Variants in SLC12A1 observed in about 807,000 individuals in gnomAD.
The protein encoded by SLC12A1 is solute carrier family 12 member 1, also known as Na-K-2Cl cotransporter.
A neutral mutation model predicts 130.4 loss-of-function variants in SLC12A1; 89 were observed. The observed-to-expected ratio is 0.68, with a 90% CI of 0.58 to 0.81. The LOEUF (loss-of-function observed/expected upper bound fraction) is 0.81. Ranked by LOEUF, SLC12A1 falls within the 40% of genes least tolerant of loss-of-function variation. The pLI is 0.00. For missense variants in SLC12A1, 1,310 were observed against 1,336.4 expected (o/e 0.98, Z 0.31); for synonymous variants, 499 against 460.0 (o/e 1.08, Z -1.09).
chr15:48,249,047 A>G (rs2041616781), intron 13 of SLC12A1, among the ~76,000 whole-genome samples: 1 of 152,128 alleles, frequency 6.6e-6, no homozygotes. Flanking sequence ...TCTCAAAATA[A>G]TAATAATAAT....
At chr15:48,207,002 ATTT>A (rs1164904229) in intron 1 of SLC12A1, among the ~76,000 whole-genome samples, 1 of 152,142 alleles carries the variant, frequency 6.6e-6, no homozygotes, top group African/African-American at 2.4e-5. Flanking sequence ...CTAAAACATA[ATTT>A]TTTACTTGTT....
chr15:48,232,788 TCATTC>T lies in SLC12A1; in HGVS notation c.1041_1045del (p.Pro348GlnfsTer3). On this transcript the variant is annotated frameshift_variant, in exon 8 of 27. Transcript: ENST00000380993. LOFTEE classifies it high-confidence loss of function. ...ATTGCAAACTTCTTCATTGGAACTG[TCATTC>T]CATCCAACAATGAGAAAAAGTCCAG... 4.3e-6 allele frequency: 7 copies of T among 1,613,334 alleles called. No individual in the cohort carries two copies. The highest frequency in any genetic ancestry group is 5.9e-6 in the Non-Finnish European group (7 of 1,179,278).
chr15:48,270,302 G>C (rs1057383700), intron 19 of SLC12A1, among the ~76,000 whole-genome samples: 2 of 152,160 alleles, frequency 1.3e-5, no homozygotes, highest in Admixed American at 1.3e-4. Flanking sequence ...TATTTGAGGA[G>C]ACTTAGGATG....
chr15:48,237,483 G>A (rs1317120036), intron 9 of SLC12A1: 2 of 152,284 alleles, frequency 1.3e-5, no homozygotes, highest in Non-Finnish European at 2.9e-5. Context: ...TTATGTTAGT[G>A]AAGAAGTTTT....
chr15:48,218,709 G>C (rs2041158981), intron 2 of SLC12A1, among the ~76,000 whole-genome samples: 2 of 152,152 alleles, frequency 1.3e-5, no homozygotes, highest in Non-Finnish European at 2.9e-5. Context: ...ATAAGATATA[G>C]TCATTCTATA....
intron 9 of SLC12A1, 42 bp downstream of exon 9, chr15:48,235,046 A>AC: frequency 6.2e-7 from 1 of 1,606,642 alleles, no homozygotes; most frequent in Non-Finnish European, 8.5e-7. Flanking sequence ...GAGTGGTGGT[A>AC]CACTTGGTGG....
At chr15:48,278,075 A>T (rs2041972751) in intron 20 of SLC12A1, among the ~76,000 whole-genome samples, 1 of 152,234 alleles carries the variant, frequency 6.6e-6, no homozygotes, top group African/African-American at 2.4e-5. Context: ...ACTCCCACTC[A>T]GTGAGTATTC....
intron 17 of SLC12A1, among the ~76,000 whole-genome samples, chr15:48,261,142 G>T (rs1032070699): frequency 1.3e-5 from 2 of 152,162 alleles, no homozygotes; most frequent in African/African-American, 4.8e-5. Flanking sequence ...CAGTTTTGAT[G>T]AAATAAGCAG....
intron 20 of SLC12A1, among the ~76,000 whole-genome samples, chr15:48,283,424 T>G (rs138072762): frequency 2.8e-4 from 43 of 152,358 alleles, no homozygotes; most frequent in African/African-American, 1.0e-3. Flanking sequence ...GGTAAGCAAC[T>G]TCTGTCTCAG....
At chr15:48,208,427 C>T (rs1056631169) in intron 2 of SLC12A1, among the ~76,000 whole-genome samples, 6 of 152,106 alleles carry the variant, frequency 3.9e-5, no homozygotes, top group African/African-American at 1.4e-4. Context: ...ATCCTCCCAC[C>T]TCAACCTCCT....
chr15:48,267,722 T>A lies in SLC12A1; in HGVS notation c.2295+21T>A, dbSNP rs376028158. ...TTCAGGTAAGGCTGCATTGAGGGAA[T>A]GAGCACAGAGGCAAAAGACAATTAG... On this transcript the variant is annotated intron_variant, in intron 18 of 26. Coordinates refer to ENST00000380993, the MANE Select transcript of SLC12A1 (RefSeq NM_000338.3). 2.0e-4 allele frequency: 316 copies of A among 1,612,320 alleles called. 1 individual carries two copies. The African/African-American group carries it at 4.0e-3, about 20-fold the overall frequency.
intron 4 of SLC12A1, chr15:48,226,255 C>T (rs755635917): frequency 4.2e-6 from 2 of 471,450 alleles, no homozygotes; most frequent in South Asian, 3.9e-5. Context: ...TCTGCACTTT[C>T]GATTGTGTTT....
At chr15:48,208,361 G>A (rs1205445046) in intron 2 of SLC12A1, among the ~76,000 whole-genome samples, 2 of 151,178 alleles carry the variant, frequency 1.3e-5, no homozygotes, top group African/African-American at 4.9e-5. Context: ...GTCTTGCTCT[G>A]TCACCCAGCC....
At chr15:48,222,211 A>T (rs959884446) in intron 4 of SLC12A1, 1 of 152,194 alleles carries the variant, frequency 6.6e-6, no homozygotes, top group Non-Finnish European at 1.5e-5. Context: ...TTTTAAGGGT[A>T]GTTTTAGTAA....
chr15:48,289,443 T>C (rs2042097032), intron 23 of SLC12A1, among the ~76,000 whole-genome samples: 1 of 138,298 alleles, frequency 7.2e-6, no homozygotes, highest in African/African-American at 2.8e-5. Flanking sequence ...TATAACTATG[T>C]ATAACTGTAT....
intron 14 of SLC12A1, 104 bp from the exon 15 acceptor site, chr15:48,251,511 G>C: frequency 1.1e-6 from 1 of 913,670 alleles, no homozygotes; most frequent in Non-Finnish European, 1.8e-6. Flanking sequence ...TAAAAGTTCT[G>C]ATTCTTTATG....
At chr15:48,274,172 G>A (rs1240394788) in intron 19 of SLC12A1, among the ~76,000 whole-genome samples, 1 of 152,164 alleles carries the variant, frequency 6.6e-6, no homozygotes, top group Admixed American at 6.5e-5. Flanking sequence ...CCTTCTGGGA[G>A]GCGGCCAGGT....
In SLC12A1 at chr15:48,294,256, G is replaced by A. The variant is rs528028352; in HGVS notation, c.2960+2392G>A. 2.0e-5 allele frequency among the ~76,000 whole-genome samples: 3 copies of A among 149,840 alleles called. No homozygotes were observed. In the South Asian group the frequency reaches 6.3e-4, roughly 32 times the overall value. On this transcript the variant is annotated intron_variant, in intron 24 of 26. Coordinates refer to ENST00000380993, the MANE Select transcript of SLC12A1 (RefSeq NM_000338.3). ...CCAACTACTCTGGAGGCTGAGGCAG[G>A]AGAATCGCTTGGACCTGGGAGACAG...
In SLC12A1 at chr15:48,255,804, T is replaced by C. The variant is rs757025991; in HGVS notation, c.1943-7T>C. On this transcript the variant is annotated splice_region_variant and splice_polypyrimidine_tract_variant and intron_variant, in intron 15 of 26. Coordinates refer to ENST00000380993, the MANE Select transcript of SLC12A1 (RefSeq NM_000338.3). ...TTTTTTATGCCAATTTCCTCCTTTA[T>C]CCACAGATGTGAACTGGGGCTCCTC... The C allele has an allele frequency of 4.7e-5, 74 of 1,577,560 alleles. No individual in the cohort carries two copies. The South Asian group carries it at 7.8e-4, about 17-fold the overall frequency.
Sources: allele counts gnomAD v4.1 joint callset (sites outside exome capture counted in the v4.1 genomes callset), GRCh38; gene constraint gnomAD v4.1.1; transcripts MANE v1.5; gene names NCBI Gene and HGNC (gene_info 2026-07-23, HGNC 2026-07-21).